SLC4A4: variants seen among roughly 807,000 people sequenced by gnomAD.
SLC4A4 encodes solute carrier family 4 member 4, also known as electrogenic sodium bicarbonate cotransporter 1.
In SLC4A4, 27 loss-of-function variants were observed where a neutral mutation model predicts 111.5. The observed-to-expected ratio is 0.24, with a 90% CI of 0.18 to 0.33. SLC4A4 has a LOEUF of 0.33. SLC4A4 is among the 10% of genes least tolerant of loss of function. The pLI, the probability that SLC4A4 is intolerant of heterozygous loss-of-function variation, is 1.00. For missense variants in SLC4A4, 909 were observed against 1,315.5 expected (o/e 0.69, Z 4.78); for synonymous variants, 443 against 463.4 (o/e 0.96, Z 0.57).
rs192459426 is a variant in SLC4A4, at chr4:71,090,472, C to T, written c.-64-2258C>T. On this transcript the variant is annotated intron_variant, in intron 1 of 26. Coordinates refer to the SLC4A4 transcript ENST00000649996. ...CTCGGTTGGAAATGCAGAAATCACC[C>T]GTCTTCTGCATCGTTCATGCTGGGT... Among the ~76,000 whole-genome samples the T allele has an allele frequency of 5.2e-4, 79 of 152,232 alleles. 1 individual carries two copies. In the East Asian group the frequency reaches 6.6e-3, roughly 13 times the overall value.
intron 1 of SLC4A4, among the ~76,000 whole-genome samples, chr4:71,090,742 A>G (rs760686544): frequency 1.3e-5 from 2 of 152,200 alleles, no homozygotes; most frequent in Non-Finnish European, 2.9e-5. Flanking sequence ...ACCTCTTCAG[A>G]GTGACTTTTT....
chr4:71,266,963 T>C (rs1319380124), intron 3 of SLC4A4, among the ~76,000 whole-genome samples: 2 of 152,200 alleles, frequency 1.3e-5, no homozygotes, highest in African/African-American at 4.8e-5. Flanking sequence ...CAGATAAATT[T>C]AAGAGAATGT....
At chr4:71,339,195 G>C in intron 3 of SLC4A4, 175 bp from the exon 4 acceptor site, 4 of 1,614,084 alleles carry the variant, frequency 2.5e-6, no homozygotes, top group Non-Finnish European at 2.5e-6. Flanking sequence ...ATAGAGAAGG[G>C]CTTTGATTTC....
In SLC4A4 at chr4:71,529,602, G is replaced by A. The variant is rs141337581; in HGVS notation, c.2167-2460G>A. On this transcript the variant is annotated intron_variant, in intron 16 of 25. Coordinates refer to ENST00000264485, the MANE Select transcript of SLC4A4 (RefSeq NM_001098484.3). ...AAGAAGCAGAATTGCCCAGGTGCCT[G>A]GTAGTGACTTTGGTCAAGCAAGTCA... 7.0e-4 allele frequency among the ~76,000 whole-genome samples: 107 copies of A among 152,122 alleles called. 1 individual carries two copies. The Middle Eastern group carries it at 0.014, about 19-fold the overall frequency.
intron 2 of SLC4A4, among the ~76,000 whole-genome samples, chr4:71,103,313 T>A (rs960272374): frequency 2.6e-5 from 4 of 151,970 alleles, no homozygotes; most frequent in African/African-American, 9.7e-5. Flanking sequence ...CTCCCGCACA[T>A]TAATAATGGG....
intron 1 of SLC4A4, among the ~76,000 whole-genome samples, chr4:71,233,946 C>A (rs1359405011): frequency 4.6e-5 from 7 of 152,156 alleles, no homozygotes; most frequent in African/African-American, 1.2e-4. Context: ...GTTTTGTGGC[C>A]CAATCAATAT....
intron 2 of SLC4A4, among the ~76,000 whole-genome samples, chr4:71,141,981 C>T (rs1336089348): frequency 6.6e-6 from 1 of 152,220 alleles, no homozygotes; most frequent in Non-Finnish European, 1.5e-5. Context: ...TATAATAGCA[C>T]TTACTGATAA....
chr4:71,265,835 G>T (rs983115052), intron 3 of SLC4A4, among the ~76,000 whole-genome samples: 2 of 152,002 alleles, frequency 1.3e-5, no homozygotes, highest in Non-Finnish European at 2.9e-5. Flanking sequence ...CTTGGGCCTT[G>T]TCTTATAGTT....
At chr4:71,217,505 A>G (rs1026667396) in intron 1 of SLC4A4, among the ~76,000 whole-genome samples, 2 of 152,138 alleles carry the variant, frequency 1.3e-5, no homozygotes, top group Non-Finnish European at 2.9e-5. Flanking sequence ...GGAGATTGTC[A>G]TGAGCTGAGA....
At chr4:71,437,563 A>G in intron 7 of SLC4A4, 1 of 515,372 alleles carries the variant, frequency 1.9e-6, no homozygotes, top group Non-Finnish European at 4.0e-6. Flanking sequence ...TGGCATTTTT[A>G]TGGAAGGGCT....
chr4:71,567,718 G>T (rs1383186348), intron 25 of SLC4A4, 70 bp from the exon 26 acceptor site: 1 of 695,476 alleles, frequency 1.4e-6, no homozygotes, highest in East Asian at 2.8e-5. Context: ...TCTATACAAT[G>T]CATAAACATT....
intron 12 of SLC4A4, among the ~76,000 whole-genome samples, chr4:71,462,053 C>A (rs1726883427): frequency 6.6e-6 from 1 of 152,034 alleles, no homozygotes; most frequent in Admixed American, 6.6e-5. Flanking sequence ...CTTTTCACAT[C>A]ATTTCTTTTG....
chr4:71,248,766 A>G (rs1167288926), intron 2 of SLC4A4, among the ~76,000 whole-genome samples: 1 of 152,176 alleles, frequency 6.6e-6, no homozygotes, highest in East Asian at 1.9e-4. Context: ...TGCCTTTACT[A>G]TCAGCCATTA....
At chr4:71,432,310 G>T (rs1723707190) in intron 7 of SLC4A4, among the ~76,000 whole-genome samples, 1 of 152,124 alleles carries the variant, frequency 6.6e-6, no homozygotes, top group Non-Finnish European at 1.5e-5. Context: ...TTAATAACGG[G>T]AACTCTCTCT....
chr4:71,544,522 G>GA (rs1368727031), intron 18 of SLC4A4, among the ~76,000 whole-genome samples: 1 of 151,954 alleles, frequency 6.6e-6, no homozygotes, highest in African/African-American at 2.4e-5. Flanking sequence ...GGAGGAGGGA[G>GA]AAAATTCTGT....
chr4:71,169,663 C>T (rs1055415846), intron 2 of SLC4A4, among the ~76,000 whole-genome samples: 5 of 152,244 alleles, frequency 3.3e-5, no homozygotes, highest in African/African-American at 9.6e-5. Flanking sequence ...TGTCTCTTCA[C>T]TTTGTCAATA....
intron 8 of SLC4A4, among the ~76,000 whole-genome samples, chr4:71,442,219 A>G (rs968455408): frequency 2.6e-5 from 4 of 152,236 alleles, no homozygotes; most frequent in African/African-American, 7.2e-5. Flanking sequence ...AGAGCAAATC[A>G]TGACCATTTT....
At chr4:71,370,275 A>G (rs917456243) in intron 6 of SLC4A4, among the ~76,000 whole-genome samples, 5 of 152,218 alleles carry the variant, frequency 3.3e-5, no homozygotes, top group African/African-American at 1.2e-4. Context: ...AGTTTCAACT[A>G]TAATTTTATG....
chr4:71,338,411 G>A (rs1728601410), intron 3 of SLC4A4, among the ~76,000 whole-genome samples: 1 of 152,132 alleles, frequency 6.6e-6, no homozygotes. Flanking sequence ...GCATTCACAT[G>A]TATATAACAT....
Sources: gnomAD v4.1 joint callset for allele counts (sites outside exome capture counted in the v4.1 genomes callset) on GRCh38, gnomAD v4.1.1 for gene constraint, MANE v1.5 for transcripts, NCBI Gene and HGNC (gene_info 2026-07-23, HGNC 2026-07-21) for gene names.